LRRTM4: variants seen among roughly 807,000 people sequenced by gnomAD.
LRRTM4 encodes leucine-rich repeat transmembrane neuronal protein 4.
LRRTM4 carries 25 observed loss-of-function variants against 47.6 expected under a neutral mutation model. The ratio of observed to expected loss-of-function variants is 0.53; its 90% CI spans 0.38 to 0.73. LRRTM4 has a LOEUF of 0.73. LRRTM4 is among the 30% of genes least tolerant of loss of function. LRRTM4 has a pLI of 0.00. For missense variants in LRRTM4, 638 were observed against 713.4 expected (o/e 0.89, Z 1.20); for synonymous variants, 311 against 269.5 (o/e 1.15, Z -1.51).
chr2:77,277,903 C>A (rs1676404485), intron 3 of LRRTM4, among the ~76,000 whole-genome samples: 1 of 151,926 alleles, frequency 6.6e-6, no homozygotes, highest in African/African-American at 2.4e-5. Context: ...AATTCTTGCC[C>A]TTATTAGGTC....
chr2:76,820,330 C>A (rs76438033), intron 3 of LRRTM4, among the ~76,000 whole-genome samples: 4,019 of 151,814 alleles, frequency 0.026, 180 homozygotes, highest in African/African-American at 0.079. Flanking sequence ...CCTAGGCTTT[C>A]TAACTTTCAC....
chr2:77,100,578 G>A (rs762376938), intron 3 of LRRTM4, among the ~76,000 whole-genome samples: 2 of 151,946 alleles, frequency 1.3e-5, no homozygotes, highest in African/African-American at 4.8e-5. Flanking sequence ...TAAAAGGTAG[G>A]GTTTCTTAAA....
chr2:77,078,620 G>A (rs1392396256), intron 3 of LRRTM4, among the ~76,000 whole-genome samples: 2 of 152,054 alleles, frequency 1.3e-5, no homozygotes, highest in Non-Finnish European at 1.5e-5. Flanking sequence ...ATTATGTTGG[G>A]GAGATGCTAC....
At chr2:77,310,142 A>G (rs1677411104) in intron 3 of LRRTM4, among the ~76,000 whole-genome samples, 1 of 152,180 alleles carries the variant, frequency 6.6e-6, no homozygotes, top group Admixed American at 6.5e-5. Context: ...TTATAAAACT[A>G]TATATGCTAA....
intron 3 of LRRTM4, among the ~76,000 whole-genome samples, chr2:77,229,377 CGA>C (rs931248065): frequency 3.3e-5 from 5 of 152,000 alleles, no homozygotes; most frequent in East Asian, 1.9e-4. Flanking sequence ...TAACTTTCTA[CGA>C]GAGTCTTAAG....
intron 3 of LRRTM4, among the ~76,000 whole-genome samples, chr2:77,472,181 GT>G (rs1354792231): frequency 6.6e-6 from 1 of 152,108 alleles, no homozygotes; most frequent in African/African-American, 2.4e-5. Flanking sequence ...TAGTGCTGAA[GT>G]GTGGTCTAGT....
chr2:77,200,242 A>T lies in LRRTM4; in HGVS notation c.1551+318076T>A, dbSNP rs151136976. Among the ~76,000 whole-genome samples, 343 of 152,272 alleles carry T rather than the reference A, an allele frequency of 2.3e-3. 1 individual carries two copies. The highest frequency in any genetic ancestry group is 7.9e-3 in the African/African-American group (327 of 41,578). ...GATCTAAGGAAACATGAAATTTAAA[A>T]GTAGTGAGTTTAGTGTGAATGTCCC... On this transcript the variant is annotated intron_variant, in intron 3 of 3. Coordinates refer to ENST00000409884, the MANE Select transcript of LRRTM4 (RefSeq NM_001134745.3).
chr2:77,044,877 GTATACA>G (rs1397816523), intron 3 of LRRTM4, among the ~76,000 whole-genome samples: 1 of 151,512 alleles, frequency 6.6e-6, no homozygotes, highest in South Asian at 2.1e-4. Context: ...ACAGACAAAT[GTATACA>G]TATACATATA....
chr2:77,450,898 T>C (rs1211260535), intron 3 of LRRTM4, among the ~76,000 whole-genome samples: 1 of 152,328 alleles, frequency 6.6e-6, no homozygotes. Flanking sequence ...TGAAAAGGCT[T>C]TATGAATCTT....
chr2:77,070,180 T>C (rs1680104486), intron 3 of LRRTM4, among the ~76,000 whole-genome samples: 1 of 152,096 alleles, frequency 6.6e-6, no homozygotes, highest in Admixed American at 6.6e-5. Context: ...AATGGGACTA[T>C]GAGAAGATAA....
chr2:77,366,147 C>T (rs540354527), intron 3 of LRRTM4, among the ~76,000 whole-genome samples: 1 of 97,284 alleles, frequency 1.0e-5, no homozygotes, highest in Non-Finnish European at 2.6e-5. Context: ...TAATTTCTAC[C>T]TCTATTGCTC....
At chr2:77,407,043 A>G (rs972457225) in intron 3 of LRRTM4, among the ~76,000 whole-genome samples, 1 of 152,152 alleles carries the variant, frequency 6.6e-6, no homozygotes, top group Non-Finnish European at 1.5e-5. Context: ...ATAATTTCTA[A>G]TTGTAAGGGA....
chr2:76,877,077 A>G (rs1460450621), intron 3 of LRRTM4, among the ~76,000 whole-genome samples: 2 of 152,092 alleles, frequency 1.3e-5, no homozygotes, highest in African/African-American at 4.8e-5. Flanking sequence ...TTTGATAAAT[A>G]TAGATGGGTC....
Position 77,497,543 on chromosome 2 carries a change from A to C in LRRTM4, c.1551+20775T>G, listed in dbSNP as rs1316383858. On this transcript the variant is annotated intron_variant, in intron 3 of 3. Coordinates refer to ENST00000409884, the MANE Select transcript of LRRTM4 (RefSeq NM_001134745.3). The stretch of plus-strand genomic sequence containing the variant: ...CTTATGCCACACTTTTCTAGTTTCA[A>C]GACTTAAAGAAGACAAATATTAAGT... 4.0e-5 allele frequency among the ~76,000 whole-genome samples: 6 copies of C among 151,512 alleles called. No individual in the cohort carries two copies. The East Asian group carries it at 1.2e-3, about 29-fold the overall frequency.
chr2:76,960,157 C>T (rs1276404552), intron 3 of LRRTM4, among the ~76,000 whole-genome samples: 2 of 151,434 alleles, frequency 1.3e-5, no homozygotes, highest in South Asian at 2.1e-4. Flanking sequence ...GAACTTATCA[C>T]ATTCTACCAT....
chr2:76,812,612 G>T (rs946648132), intron 3 of LRRTM4, among the ~76,000 whole-genome samples: 3 of 152,080 alleles, frequency 2.0e-5, no homozygotes, highest in African/African-American at 7.2e-5. Flanking sequence ...TTGGCTTTAG[G>T]TTATAGATGG....
intron 3 of LRRTM4, among the ~76,000 whole-genome samples, chr2:76,924,768 G>A (rs530989604): frequency 4.6e-5 from 7 of 151,738 alleles, no homozygotes; most frequent in East Asian, 1.9e-4. Context: ...AGACACACAC[G>A]CAGACACACA....
chr2:77,182,526 A>G (rs1019330098), intron 3 of LRRTM4, among the ~76,000 whole-genome samples: 1 of 152,140 alleles, frequency 6.6e-6, no homozygotes, highest in Non-Finnish European at 1.5e-5. Context: ...CATTCTGCAC[A>G]TGTATCCTGG....
chr2:77,059,049 CAA>C (rs1219591120), intron 3 of LRRTM4, among the ~76,000 whole-genome samples: 4 of 152,006 alleles, frequency 2.6e-5, no homozygotes, highest in African/African-American at 9.7e-5. Flanking sequence ...ATTTTGAAAA[CAA>C]AGTCTTTTTT....
Sources: gnomAD v4.1 joint callset for allele counts (sites outside exome capture counted in the v4.1 genomes callset) on GRCh38, gnomAD v4.1.1 for gene constraint, MANE v1.5 for transcripts, NCBI Gene and HGNC (gene_info 2026-07-23, HGNC 2026-07-21) for gene names.